The following CFAP47 variants were observed in gnomAD, a reference collection of about 807,000 sequenced individuals.
The protein encoded by CFAP47 is cilia- and flagella-associated protein 47.
CFAP47 carries 29 observed loss-of-function variants against 148.1 expected under a neutral mutation model. The observed-to-expected ratio is 0.20, with a 90% CI of 0.15 to 0.27. CFAP47 has a LOEUF of 0.27. CFAP47 is among the 10% of genes least tolerant of loss of function. The pLI is 1.00. For synonymous variants in CFAP47, 664 were observed against 577.3 expected, an observed-to-expected ratio of 1.15 and a Z score of -2.15; for missense variants, 1,872 against 1,697.5, an observed-to-expected ratio of 1.10 and a Z score of -1.81.
intron 49 of CFAP47, among the ~76,000 whole-genome samples, chrX:36,253,190 T>C (rs1170056717): frequency 8.9e-6 from 1 of 111,842 alleles, no homozygotes; most frequent in African/African-American, 3.2e-5. Flanking sequence ...GCAGGATACA[T>C]TGTTAAGTGA....
rs782138340 is a variant in CFAP47, at chrX:36,225,947, C to T, written c.6818-2681C>T. ...AGACTGCAAAGAGAAGAAACCAATTCCAGGGATTTTAATTATCAGGTTATC... is the reference window on the plus strand; with the variant it reads ...AGACTGCAAAGAGAAGAAACCAATTTCAGGGATTTTAATTATCAGGTTATC... On this transcript the variant is annotated intron_variant, in intron 45 of 63. Coordinates refer to ENST00000378653, the MANE Select transcript of CFAP47 (RefSeq NM_001304548.2). Among the ~76,000 whole-genome samples the T allele has an allele frequency of 3.6e-5, 4 of 111,449 alleles. No individual in the cohort carries two copies. In the South Asian group the frequency reaches 1.5e-3, roughly 42 times the overall value.
chrX:36,085,500 A>C lies in CFAP47; in HGVS notation c.4878A>C (p.Gln1626His). Reference sequence around the variant, plus strand: ...ATAACCATGAAAAAAGGGTAATTCAACTCCATTTGCAACATTCCTCACTTC... The same window carrying C: ...ATAACCATGAAAAAAGGGTAATTCACCTCCATTTGCAACATTCCTCACTTC... The part of the protein sequence containing the change: ...PVDNHEKRVI[Q>H]LHLQHSSLLD... The change falls in exon 30 of 64, where the codon CAA becomes CAC. Residue 1626 changes from glutamine (Q) to histidine (H), a missense_variant. Coordinates refer to ENST00000378653, the MANE Select transcript of CFAP47 (RefSeq NM_001304548.2). 8.3e-7 allele frequency: 1 copy of C among 1,201,495 alleles called. No homozygotes were observed. Among genetic ancestry groups the C allele is most frequent in the Non-Finnish European group, 1.1e-6 (1 of 887,927 alleles).
intron 42 of CFAP47, among the ~76,000 whole-genome samples, chrX:36,192,472 G>A (rs953659387): frequency 9.0e-6 from 1 of 111,704 alleles, no homozygotes; most frequent in African/African-American, 3.3e-5. Context: ...TCACTGTAGT[G>A]TCTGTAGTGT....
At position 36,104,569 on chromosome X, in the gene CFAP47, C is replaced by A; in HGVS notation, c.5198C>A (p.Pro1733Gln). The A allele has an allele frequency of 9.9e-7, 1 of 1,012,608 alleles. No homozygotes were observed. Among genetic ancestry groups the A allele is most frequent in the Non-Finnish European group, 1.4e-6 (1 of 724,003 alleles). The allele number at this position is 1,012,608 out of a possible 1,213,427, so 83.5% of individuals were successfully genotyped here. The change falls in exon 33 of 64, where the codon CCA becomes CAA. Residue 1733 changes from proline (P) to glutamine (Q), a missense_variant. Transcript: ENST00000378653. ...CCCCCCATATGTGTGCAAAATACACCAAAAGTCAATCCTTGTTTTGCATCC... is the reference window on the plus strand; with the variant it reads ...CCCCCCATATGTGTGCAAAATACACAAAAAGTCAATCCTTGTTTTGCATCC... ...NMPPICVQNT[P>Q]KVNPCFASSN...
intron 16 of CFAP47, chrX:35,989,665 T>A: frequency 2.3e-6 from 2 of 883,551 alleles, no homozygotes; most frequent in Non-Finnish European, 3.0e-6. Context: ...CAAAAAGTAT[T>A]TTCAGAGAAT....
intron 60 of CFAP47, among the ~76,000 whole-genome samples, chrX:36,355,121 A>G (rs1556018239): frequency 1.8e-5 from 2 of 111,530 alleles, no homozygotes; most frequent in Non-Finnish European, 3.8e-5. Flanking sequence ...TATATGAAAA[A>G]AAGTTCAATA....
At chrX:36,139,984 TAAG>T (rs1385222423) in intron 35 of CFAP47, among the ~76,000 whole-genome samples, 1 of 111,635 alleles carries the variant, frequency 9.0e-6, no homozygotes, top group Non-Finnish European at 1.9e-5. Flanking sequence ...AGTAGAATTT[TAAG>T]GACAAACTCT....
At chrX:36,015,557 A>G (rs184025918) in intron 22 of CFAP47, among the ~76,000 whole-genome samples, 144 of 111,581 alleles carry the variant, frequency 1.3e-3, no homozygotes, top group African/African-American at 3.8e-3. Context: ...AGGGAGTATC[A>G]TATCAGTTAA....
At chrX:36,132,837 G>A (rs1938972678) in intron 33 of CFAP47, among the ~76,000 whole-genome samples, 1 of 111,808 alleles carries the variant, frequency 8.9e-6, no homozygotes, top group East Asian at 2.8e-4. Flanking sequence ...CAGATTCAAA[G>A]TTGTGATGGG....
At chrX:36,289,605 A>G (rs1380296644) in intron 51 of CFAP47, among the ~76,000 whole-genome samples, 2 of 111,444 alleles carry the variant, frequency 1.8e-5, no homozygotes, top group Non-Finnish European at 3.8e-5. Flanking sequence ...TTATGATAAA[A>G]TCTCATCTCT....
At chrX:36,162,358 A>G (rs1008199480) in intron 39 of CFAP47, among the ~76,000 whole-genome samples, 1 of 111,544 alleles carries the variant, frequency 9.0e-6, no homozygotes, top group Non-Finnish European at 1.9e-5. Context: ...TGTAAGAGTC[A>G]TATATTATGT....
At chrX:36,373,047 G>A (rs996738104) in intron 62 of CFAP47, among the ~76,000 whole-genome samples, 2 of 111,444 alleles carry the variant, frequency 1.8e-5, no homozygotes, top group Admixed American at 9.6e-5. Flanking sequence ...TGGCTAGTTG[G>A]AGTGTTTACA....
chrX:36,035,889 T>G (rs1328354257), intron 24 of CFAP47, 35 bp downstream of exon 24: 6 of 291,307 alleles, frequency 2.1e-5, no homozygotes, highest in African/African-American at 1.7e-4. Flanking sequence ...TAGTTATACT[T>G]TCAATTTACC....
At chrX:36,158,355 A>G (rs1939392587) in intron 37 of CFAP47, among the ~76,000 whole-genome samples, 1 of 112,479 alleles carries the variant, frequency 8.9e-6, no homozygotes, top group African/African-American at 3.2e-5. Flanking sequence ...GCAAGGCAAG[A>G]TTGAAAGATT....
intron 1 of CFAP47, among the ~76,000 whole-genome samples, chrX:35,923,904 T>C (rs1935626838): frequency 1.2e-5 from 1 of 81,517 alleles, no homozygotes; most frequent in Non-Finnish European, 2.1e-5. Context: ...TGTATATATG[T>C]ACATGTGTAT....
intron 2 of CFAP47, among the ~76,000 whole-genome samples, chrX:35,937,056 G>C (rs1485661285): frequency 9.5e-6 from 1 of 105,584 alleles, no homozygotes; most frequent in Non-Finnish European, 1.9e-5. Context: ...AGAGGTTTGA[G>C]CCAGCAGTGA....
In CFAP47 at chrX:36,280,526, G is replaced by C; in HGVS notation, c.7484G>C (p.Arg2495Thr). The C allele has an allele frequency of 3.9e-6, 2 of 509,949 alleles. No homozygotes were observed. The highest frequency in any genetic ancestry group is 7.0e-6 in the Non-Finnish European group (2 of 284,625). The allele number at this position is 509,949 out of a possible 1,213,427, so 42.0% of individuals were successfully genotyped here. ...TCTACTACAAGAAGATGTACTACAA[G>C]AAGGAAACATGATGATTATGAGGAA... ...TFSTTRRCTTRRKHDDYEEDT... is the reference protein window; with the variant it reads ...TFSTTRRCTTTRKHDDYEEDT... The change falls in exon 50 of 64, where the codon AGA (arginine) becomes ACA (threonine). Residue 2495 changes from arginine to threonine, a missense_variant. Arg to Thr is a moderately conservative substitution (Grantham distance 71). Coordinates refer to ENST00000378653, the MANE Select transcript of CFAP47 (RefSeq NM_001304548.2).
intron 57 of CFAP47, among the ~76,000 whole-genome samples, chrX:36,344,257 G>GGA (rs1421309691): frequency 4.9e-5 from 3 of 61,630 alleles, no homozygotes; most frequent in African/African-American, 1.5e-4. Flanking sequence ...AAGAGAGAAA[G>GGA]AAAAAAAAAA....
intron 33 of CFAP47, among the ~76,000 whole-genome samples, chrX:36,134,224 G>A (rs1031050684): frequency 9.0e-6 from 1 of 111,154 alleles, no homozygotes; most frequent in African/African-American, 3.3e-5. Context: ...ACTAAATGTT[G>A]TTAGGCTATC....
Sources: allele counts gnomAD v4.1 joint callset (sites outside exome capture counted in the v4.1 genomes callset), GRCh38; gene constraint gnomAD v4.1.1; transcripts MANE v1.5; gene names NCBI Gene and HGNC (gene_info 2026-07-23, HGNC 2026-07-21).